The following ZNF180 variants were observed in gnomAD, a reference collection of about 807,000 sequenced individuals.
The protein encoded by ZNF180 is zinc finger protein 180.
ZNF180 carries 11 observed loss-of-function variants against 11.8 expected under a neutral mutation model. The ratio of observed to expected loss-of-function variants is 0.93; its 90% confidence interval spans 0.59 to 1.55. The LOEUF is 1.55. Ranked by LOEUF, ZNF180 falls within the 40% of genes most tolerant of loss-of-function variation. The pLI is 0.00. For missense variants in ZNF180, 773 were observed against 781.7 expected (o/e 0.99, Z 0.13); for synonymous variants, 287 against 257.7 (o/e 1.11, Z -1.09).
chr19:44,488,007 G>T (rs995265574), intron 2 of ZNF180, among the ~76,000 whole-genome samples: 1 of 151,962 alleles, frequency 6.6e-6, no homozygotes, highest in Non-Finnish European at 1.5e-5. Context: ...TTACAGGCGT[G>T]AGCCACCGTG....
chr19:44,483,994 T>C (rs1277024266), intron 3 of ZNF180, among the ~76,000 whole-genome samples: 1 of 86,912 alleles, frequency 1.2e-5, no homozygotes, highest in African/African-American at 4.2e-5. Flanking sequence ...TTTCTTTCTT[T>C]CTTTTTTTTT....
chr19:44,489,105 G>T (rs1378326851), intron 2 of ZNF180, among the ~76,000 whole-genome samples: 2 of 127,374 alleles, frequency 1.6e-5, no homozygotes, highest in Admixed American at 7.9e-5. Flanking sequence ...AGGGAGGTGG[G>T]GGGGCCAGCC....
At position 44,478,142 on chromosome 19, in the gene ZNF180, C is replaced by T. The variant is rs767870227; in HGVS notation, c.258G>A (p.Leu86=). The stretch of plus-strand genomic sequence containing the variant: ...AATCTTTTTTTCCAACTGCAGTTGC[C>T]AAGTCTGAAAGAAAGCAATATAAGA... ...ENHRDLVSWD[L]ATAVGKKDST... Residue 86 remains leucine, a synonymous_variant, in exon 5 of 5, where the codon TTG becomes TTA. Transcript: ENST00000592529. The T allele has an allele frequency of 2.8e-5, 44 of 1,564,412 alleles. No individual in the cohort carries two copies. The South Asian group carries it at 4.6e-4, about 16-fold the overall frequency.
chr19:44,487,782 A>G (rs6509162), intron 2 of ZNF180, among the ~76,000 whole-genome samples: 78,391 of 152,016 alleles, frequency 0.52, 20,947 homozygotes, highest in South Asian at 0.69. Flanking sequence ...GCTGGAGTGC[A>G]GTGGCATGAT....
At chr19:44,485,774 TATC>T (rs1970213598) in intron 2 of ZNF180, among the ~76,000 whole-genome samples, 1 of 152,250 alleles carries the variant, frequency 6.6e-6, no homozygotes, top group South Asian at 2.1e-4. Flanking sequence ...TCCCTGGTAA[TATC>T]ATATATAATG....
Position 44,497,285 on chromosome 19 carries a change from T to A in ZNF180, c.50A>T (p.Gln17Leu). ...CCCAAGCTCTGGGTCTCCACTCACC[T>A]GTGCACAGACCTTCGGGGGCTCTGG... The part of the protein sequence containing the change: ...KPPEPPKVCA[Q>L]DSFLPQEIII... Residue 17 changes from glutamine (Q) to leucine (L), a missense_variant and splice_region_variant, in exon 2 of 5, where the codon CAG becomes CTG. Gln to Leu is a moderately radical substitution (Grantham distance 113). Coordinates refer to ENST00000592529, the MANE Select transcript of ZNF180 (RefSeq NM_001278509.3). 1 of 1,586,476 alleles carries A rather than the reference T, an allele frequency of 6.3e-7. No individual in the cohort carries two copies.
chr19:44,486,839 G>A (rs975299732), intron 2 of ZNF180, among the ~76,000 whole-genome samples: 3 of 151,998 alleles, frequency 2.0e-5, no homozygotes, highest in East Asian at 1.9e-4. Context: ...TCAGGAGTTC[G>A]AGACCAGCCT....
intron 2 of ZNF180, among the ~76,000 whole-genome samples, chr19:44,489,979 G>A (rs1225537703): frequency 9.4e-6 from 1 of 106,008 alleles, no homozygotes; most frequent in Non-Finnish European, 1.9e-5. Context: ...AAGAAAGAAA[G>A]AAAGAAAGAA....
intron 2 of ZNF180, among the ~76,000 whole-genome samples, chr19:44,486,021 C>T (rs941398251): frequency 6.6e-6 from 1 of 152,116 alleles, no homozygotes; most frequent in African/African-American, 2.4e-5. Flanking sequence ...GTTACATTAT[C>T]ATAGCAAGAT....
intron 2 of ZNF180, among the ~76,000 whole-genome samples, chr19:44,493,061 G>A (rs1970489881): frequency 6.6e-6 from 1 of 152,342 alleles, no homozygotes; most frequent in African/African-American, 2.4e-5. Context: ...ATCCTGACAA[G>A]AGGATCCCTT....
At position 44,497,353 on chromosome 19, in the gene ZNF180, C is replaced by A; in HGVS notation, c.-19G>T. 6.3e-7 allele frequency: 1 copy of A among 1,597,476 alleles called. No homozygotes were observed. Among genetic ancestry groups the A allele is most frequent in the East Asian group, 2.3e-5 (1 of 43,314 alleles). On this transcript the variant is annotated 5_prime_UTR_variant, in exon 2 of 5. Transcript: ENST00000592529. Reference sequence around the variant, plus strand: ...CTTCCATGCTCTCCTCCAGGCACAGCAGGGTGCTGAGGTCCTGAGCTGCAC... The same window carrying A: ...CTTCCATGCTCTCCTCCAGGCACAGAAGGGTGCTGAGGTCCTGAGCTGCAC...
Position 44,500,092 on chromosome 19 carries a change from G to A in ZNF180, c.-44+183C>T, listed in dbSNP as rs60577560. 1.4e-5 allele frequency: 22 copies of A among 1,536,136 alleles called. No homozygotes were observed. The South Asian group carries it at 1.7e-4, about 12-fold the overall frequency. ...GACCAAGCACCCGCGCATGCACGCA[G>A]AGGACAGTCGCGGAATATACAGCTG... is the stretch of plus-strand genomic sequence containing the variant. On this transcript the variant is annotated intron_variant, in intron 1 of 4. Transcript: ENST00000592529.
At chr19:44,491,678 C>G (rs1286063767) in intron 2 of ZNF180, among the ~76,000 whole-genome samples, 4 of 152,156 alleles carry the variant, frequency 2.6e-5, no homozygotes, top group African/African-American at 9.7e-5. Flanking sequence ...TCAAGCTATC[C>G]TACTGTCTCA....
At position 44,477,446 on chromosome 19, in the gene ZNF180, T is replaced by C; in HGVS notation, c.954A>G (p.Arg318=). The part of the protein sequence containing the change: ...SHSSSLTQNM[R]NNSEEKPFEC... ...CAAAAGGTTTCTCTTCAGAATTATT[T>C]CTCATGTTTTGAGTAAGGGAGGAAC... Residue 318 remains arginine, a synonymous_variant, in exon 5 of 5, where the codon AGA becomes AGG. Transcript: ENST00000592529. The C allele has an allele frequency of 6.2e-7, 1 of 1,614,164 alleles. No homozygotes were observed. The highest frequency in any genetic ancestry group is 8.5e-7 in the Non-Finnish European group (1 of 1,180,000).
Position 44,476,587 on chromosome 19 carries a change from G to A in ZNF180, c.1813C>T (p.Pro605Ser), listed in dbSNP as rs1568420954. The A allele has an allele frequency of 1.9e-6, 3 of 1,614,098 alleles. No individual in the cohort carries two copies. Among genetic ancestry groups the A allele is most frequent in the Non-Finnish European group, 2.5e-6 (3 of 1,179,998 alleles). ...QHQRTHTGEK[P>S]FECNQCGKTF... is the part of the protein sequence containing the mutation. The stretch of plus-strand genomic sequence containing the variant: ...TTTCCACACTGATTACATTCAAATG[G>A]TTTCTCTCCAGTATGAGTTCTCTGA... Residue 605 changes from proline (P) to serine (S), a missense_variant, in exon 5 of 5, where the codon CCA becomes TCA. Physicochemically the swap from Pro to Ser is moderately conservative, Grantham distance 74. Transcript: ENST00000592529.
At chr19:44,483,774 C>T (rs1334336986) in intron 3 of ZNF180, among the ~76,000 whole-genome samples, 1 of 152,114 alleles carries the variant, frequency 6.6e-6, no homozygotes, top group Admixed American at 6.5e-5. Context: ...AAGGACTGTG[C>T]TTTATAGTTT....
chr19:44,477,734 A>T lies in ZNF180; in HGVS notation c.666T>A (p.Asn222Lys), dbSNP rs1969960781. The T allele has an allele frequency of 6.2e-7, 1 of 1,614,066 alleles. No homozygotes were observed. The highest frequency in any genetic ancestry group is 8.5e-7 in the Non-Finnish European group (1 of 1,179,974). The change falls in exon 5 of 5, where the codon AAT (asparagine) becomes AAA (lysine). Residue 222 changes from asparagine to lysine, a missense_variant. Coordinates refer to ENST00000592529, the MANE Select transcript of ZNF180 (RefSeq NM_001278509.3). Reference sequence around the variant, plus strand: ...TGCTCTGAGGGGGTTTTCCACATTCATTATTTTCATATAGTGTCTCATTCT... The same window carrying T: ...TGCTCTGAGGGGGTTTTCCACATTCTTTATTTTCATATAGTGTCTCATTCT... ...INENETLYEN[N>K]ECGKPPQSIH...
In ZNF180 at chr19:44,475,033, G is replaced by GT. The variant is rs1969824644; in HGVS notation, c.*1368dup. 1 of 152,156 alleles carries GT rather than the reference G, an allele frequency of 6.6e-6. No homozygotes were observed. The highest frequency in any genetic ancestry group is 2.1e-4 in the South Asian group (1 of 4,830). 9.4% of individuals were successfully genotyped at this position (152,156 alleles called of 1,614,324 possible). A position where few individuals can be genotyped will look rare whatever the true frequency, so the allele number is the denominator to read the frequency against. Reference sequence around the variant, plus strand: ...TTAAGTTTTCTTTCCTATCCCAAGGGTATTAACCTCTATTATCTGGTCTCT... The same window carrying GT: ...TTAAGTTTTCTTTCCTATCCCAAGGGTTATTAACCTCTATTATCTGGTCTCT... On this transcript the variant is annotated 3_prime_UTR_variant, in exon 5 of 5. Coordinates refer to ENST00000592529, the MANE Select transcript of ZNF180 (RefSeq NM_001278509.3).
At chr19:44,483,605 T>C (rs1449145015) in intron 3 of ZNF180, among the ~76,000 whole-genome samples, 6 of 152,214 alleles carry the variant, frequency 3.9e-5, no homozygotes, top group African/African-American at 1.4e-4. Context: ...CATACATCTC[T>C]CCATTCCAAT....
Sources: gnomAD v4.1 joint callset for allele counts (sites outside exome capture counted in the v4.1 genomes callset) on GRCh38, gnomAD v4.1.1 for gene constraint, MANE v1.5 for transcripts, NCBI Gene and HGNC (gene_info 2026-07-23, HGNC 2026-07-21) for gene names.